Variants in COL8A1 observed in about 807,000 individuals in gnomAD.
COL8A1 encodes the protein collagen alpha-1(VIII) chain.
A neutral mutation model predicts 42.7 loss-of-function variants in COL8A1; 21 were observed. The observed-to-expected ratio is 0.49, with a 90% confidence interval of 0.35 to 0.71. COL8A1 has a LOEUF of 0.71. COL8A1 is among the 30% of genes least tolerant of loss of function. COL8A1 has a pLI of 0.01. For synonymous variants in COL8A1, 367 were observed against 369.1 expected (o/e 0.99, Z 0.06); for missense variants, 788 against 962.4 (o/e 0.82, Z 2.40).
intron 1 of COL8A1, among the ~76,000 whole-genome samples, chr3:99,647,897 C>T (rs1436533709): frequency 1.3e-5 from 2 of 152,162 alleles, no homozygotes; most frequent in Non-Finnish European, 2.9e-5. Context: ...TCTCTTAGGA[C>T]ATTACTCTGG....
intron 1 of COL8A1, among the ~76,000 whole-genome samples, chr3:99,671,225 G>A (rs1938534388): frequency 1.3e-5 from 2 of 151,962 alleles, no homozygotes; most frequent in Non-Finnish European, 2.9e-5. Context: ...TCAAAACATT[G>A]TTTGAGAGGA....
intron 2 of COL8A1, among the ~76,000 whole-genome samples, chr3:99,752,966 C>T (rs982777237): frequency 6.6e-6 from 1 of 152,124 alleles, no homozygotes; most frequent in Non-Finnish European, 1.5e-5. Flanking sequence ...ATGCCTACTG[C>T]TATGACTTGT....
chr3:99,722,449 A>G (rs1940182243), intron 1 of COL8A1, among the ~76,000 whole-genome samples: 1 of 152,178 alleles, frequency 6.6e-6, no homozygotes, highest in Non-Finnish European at 1.5e-5. Context: ...AGGAGTAGGT[A>G]CCTGACAAGA....
At chr3:99,664,201 T>A (rs1171941666) in intron 1 of COL8A1, among the ~76,000 whole-genome samples, 2 of 152,216 alleles carry the variant, frequency 1.3e-5, no homozygotes, top group Non-Finnish European at 2.9e-5. Flanking sequence ...GAATGGAAGC[T>A]CTCAAGAGCA....
chr3:99,682,962 G>A (rs1262251679), intron 1 of COL8A1, among the ~76,000 whole-genome samples: 1 of 152,182 alleles, frequency 6.6e-6, no homozygotes, highest in Non-Finnish European at 1.5e-5. Context: ...ATGCCACGAA[G>A]TGTAGAAAAA....
Position 99,794,184 on chromosome 3 carries a change from T to C in COL8A1, c.329-46T>C. ...GTGAGAGACAATCTACTAATCAATC[T>C]CTCTCTCTCCCCCCATACCCCTTCT... On this transcript the variant is annotated intron_variant, in intron 3 of 3. Transcript: ENST00000652472. This position sits in a 1 kb window ranked among gnomAD's most constrained non-coding sequence, Gnocchi z 4.3. The C allele has an allele frequency of 8.0e-7, 1 of 1,252,196 alleles. No homozygotes were observed. The highest frequency in any genetic ancestry group is 2.5e-5 in the Admixed American group (1 of 40,622). The allele number at this position is 1,252,196 out of a possible 1,614,324, so 77.6% of individuals were successfully genotyped here.
At position 99,750,336 on chromosome 3, in the gene COL8A1, C is replaced by T. The variant is rs192888091; in HGVS notation, c.-4+5315C>T. ...CCTCCCAAAGTGCTGGGATTACAGGCGTGAGCCACTACACCTGGCCCCAGT... is the reference window on the plus strand; with the variant it reads ...CCTCCCAAAGTGCTGGGATTACAGGTGTGAGCCACTACACCTGGCCCCAGT... On this transcript the variant is annotated intron_variant, in intron 2 of 3. Transcript: ENST00000652472. Among the ~76,000 whole-genome samples, 41 of 152,050 alleles carry T rather than the reference C, an allele frequency of 2.7e-4. No homozygotes were observed. In the East Asian group the frequency reaches 6.8e-3, roughly 25 times the overall value.
At position 99,733,662 on chromosome 3, in the gene COL8A1, C is replaced by A. The variant is rs574757634; in HGVS notation, c.-128-11235C>A. ...GATTTATAGTCCTTTGGGTATATACCCAGTAATGGGATGGCTGGGTCAAAT... is the reference window on the plus strand; with the variant it reads ...GATTTATAGTCCTTTGGGTATATACACAGTAATGGGATGGCTGGGTCAAAT... On this transcript the variant is annotated intron_variant, in intron 1 of 3. Transcript: ENST00000652472. Among the ~76,000 whole-genome samples the A allele has an allele frequency of 8.8e-3, 1,336 of 151,680 alleles. 23 individuals are homozygous for A. Among genetic ancestry groups the A allele is most frequent in the African/African-American group, 0.027 (1,100 of 41,286 alleles).
intron 1 of COL8A1, among the ~76,000 whole-genome samples, chr3:99,733,102 C>A (rs1940571353): frequency 1.3e-5 from 2 of 150,014 alleles, no homozygotes; most frequent in Admixed American, 6.6e-5. Flanking sequence ...GGTACAGCCT[C>A]TCTCCCAGCT....
At chr3:99,750,049 CTTTTTTTTTTT>C (rs1176042144) in intron 2 of COL8A1, among the ~76,000 whole-genome samples, 2 of 65,960 alleles carry the variant, frequency 3.0e-5, no homozygotes, top group South Asian at 7.1e-4. Context: ...TTTTTTTCTT[CTTTTTTTTTTT>C]TTTTTTTTTT....
At chr3:99,712,204 A>G (rs1939856017) in intron 1 of COL8A1, among the ~76,000 whole-genome samples, 1 of 152,172 alleles carries the variant, frequency 6.6e-6, no homozygotes, top group Non-Finnish European at 1.5e-5. Context: ...AAAGAAACTT[A>G]GTTATTTGTG....
chr3:99,664,516 C>G (rs1938304218), intron 1 of COL8A1, among the ~76,000 whole-genome samples: 1 of 151,944 alleles, frequency 6.6e-6, no homozygotes, highest in South Asian at 2.1e-4. Context: ...AAACTTCAAC[C>G]TCAAATTCAA....
Position 99,713,762 on chromosome 3 carries a change from A to G in COL8A1, c.-128-31135A>G, listed in dbSNP as rs999463193. Among the ~76,000 whole-genome samples, 3 of 148,542 alleles carry G rather than the reference A, an allele frequency of 2.0e-5. No homozygotes were observed. In the Admixed American group the frequency reaches 2.0e-4, roughly 10 times the overall value. On this transcript the variant is annotated intron_variant, in intron 1 of 3. Coordinates refer to ENST00000652472, the MANE Select transcript of COL8A1 (RefSeq NM_020351.4). ...GCTTGGCTTACCGTTTAAGAGTATT[A>G]TAAGTTCTGGGAATGGATTTGTGAA... is the stretch of plus-strand genomic sequence containing the variant.
Position 99,796,377 on chromosome 3 carries a change from T to G in COL8A1, c.*241T>G. On this transcript the variant is annotated 3_prime_UTR_variant, in exon 4 of 4. Transcript: ENST00000652472. ...TTATGTATCAAGTACTGACACTTGG[T>G]TGTACCCACTGGAATCATATTAGCT... The G allele has an allele frequency of 2.7e-6, 1 of 366,090 alleles. No individual in the cohort carries two copies. Among genetic ancestry groups the G allele is most frequent in the Non-Finnish European group, 4.9e-6 (1 of 202,634 alleles). 22.7% of individuals were successfully genotyped at this position (366,090 alleles called of 1,614,324 possible). A position where few individuals can be genotyped will look rare whatever the true frequency, so the allele number is the denominator to read the frequency against.
At chr3:99,683,239 AG>A (rs1938944921) in intron 1 of COL8A1, among the ~76,000 whole-genome samples, 1 of 152,188 alleles carries the variant, frequency 6.6e-6, no homozygotes, top group Non-Finnish European at 1.5e-5. Flanking sequence ...TACAAGTCAA[AG>A]TCTGTCCTTT....
chr3:99,663,798 TA>T (rs148227976), intron 1 of COL8A1, among the ~76,000 whole-genome samples: 21,218 of 152,198 alleles, frequency 0.14, 1,530 homozygotes, highest in African/African-American at 0.19. Context: ...TTTTTAATCT[TA>T]AATTTTTGTA....
intron 1 of COL8A1, among the ~76,000 whole-genome samples, chr3:99,705,926 A>T (rs1055088871): frequency 6.6e-6 from 1 of 152,144 alleles, no homozygotes; most frequent in African/African-American, 2.4e-5. Context: ...TTAAATGTCA[A>T]TTTTTTTCTT....
chr3:99,678,178 T>A (rs889936788), intron 1 of COL8A1: 1 of 152,084 alleles, frequency 6.6e-6, no homozygotes, highest in Non-Finnish European at 1.5e-5. Context: ...CCATCTTCCT[T>A]GCTTTTGACC....
chr3:99,713,069 G>A (rs963730323), intron 1 of COL8A1, among the ~76,000 whole-genome samples: 21 of 152,090 alleles, frequency 1.4e-4, no homozygotes, highest in African/African-American at 5.1e-4. Context: ...TAATATTCAT[G>A]TAGTCCTTGA....
Sources: gnomAD v4.1 joint callset for allele counts (sites outside exome capture counted in the v4.1 genomes callset) on GRCh38, gnomAD v4.1.1 for gene constraint, Gnocchi (gnomAD v3.1) non-coding constraint, MANE v1.5 for transcripts, NCBI Gene and HGNC (gene_info 2026-07-23, HGNC 2026-07-21) for gene names.